The following NFYA variants were observed in gnomAD, a reference collection of about 807,000 sequenced individuals.
NFYA encodes nuclear transcription factor Y subunit alpha, also known as CAAT-box DNA binding protein subunit A.
Under a neutral mutation model 52.8 loss-of-function variants are expected in NFYA, and 28 were observed. That is an observed-to-expected ratio of 0.53 (90% confidence interval 0.39 to 0.73). The LOEUF is 0.73. Ranked by LOEUF, NFYA falls within the 30% of genes least tolerant of loss-of-function variation. NFYA has a pLI of 0.00. For missense variants in NFYA, 234 were observed against 427.0 expected (o/e 0.55, Z 3.98); for synonymous variants, 150 against 150.7 (o/e 1.00, Z 0.03).
Position 41,091,516 on chromosome 6 carries a change from G to T in NFYA, c.548-12G>T. 1 of 1,612,126 alleles carries T rather than the reference G, an allele frequency of 6.2e-7. No homozygotes were observed. The highest frequency in any genetic ancestry group is 8.5e-7 in the Non-Finnish European group (1 of 1,179,266). ...CTGTTTTTTGTTTGTTTTATGTTTT[G>T]TTTTCTTAAAGTTACAGTCCCTGTT... On this transcript the variant is annotated splice_polypyrimidine_tract_variant and intron_variant, in intron 6 of 9. Coordinates refer to ENST00000341376, the MANE Select transcript of NFYA (RefSeq NM_002505.5).
Position 41,097,343 on chromosome 6 carries a change from ATC to A in NFYA, c.991-12_991-11del. The A allele has an allele frequency of 6.2e-7, 1 of 1,613,870 alleles. No homozygotes were observed. The highest frequency in any genetic ancestry group is 8.5e-7 in the Non-Finnish European group (1 of 1,179,802). Reference sequence around the variant, plus strand: ...TGCAAAGGACTTTAATCATCATGTCATCTTTGTCTCTAGGATCCAAACCAAGC... The same window carrying A: ...TGCAAAGGACTTTAATCATCATGTCATTTGTCTCTAGGATCCAAACCAAGC... On this transcript the variant is annotated splice_polypyrimidine_tract_variant and intron_variant, in intron 9 of 9. Coordinates refer to ENST00000341376, the MANE Select transcript of NFYA (RefSeq NM_002505.5).
intron 7 of NFYA, 137 bp downstream of exon 7, chr6:41,091,831 T>A: frequency 1.1e-6 from 1 of 933,964 alleles, no homozygotes; most frequent in Non-Finnish European, 1.6e-6. Context: ...ACTTTGACAA[T>A]AACATTATGA....
intron 4 of NFYA, among the ~76,000 whole-genome samples, chr6:41,084,578 C>G (rs891973510): frequency 2.9e-4 from 44 of 152,316 alleles, no homozygotes; most frequent in Non-Finnish European, 4.4e-4. Flanking sequence ...TAAATAAAAT[C>G]TAGATTGTTT....
intron 1 of NFYA, among the ~76,000 whole-genome samples, chr6:41,078,688 T>C (rs900166068): frequency 1.3e-5 from 2 of 152,238 alleles, no homozygotes; most frequent in African/African-American, 4.8e-5. Context: ...AGCTTTATTC[T>C]CTAAAGTATA....
Position 41,101,554 on chromosome 6 carries a change from A to G in NFYA, c.*4144A>G, listed in dbSNP as rs1301814141. 6.6e-6 allele frequency among the ~76,000 whole-genome samples: 1 copy of G among 152,188 alleles called. No homozygotes were observed. The highest frequency in any genetic ancestry group is 2.4e-5 in the African/African-American group (1 of 41,446). On this transcript the variant is annotated 3_prime_UTR_variant, in exon 10 of 10. Transcript: ENST00000341376. ...CAGTTAATTCGTTCTTGGCGTCATA[A>G]GTATATGCCCGCCGTTGTTCTGGCC...
Position 41,101,272 on chromosome 6 carries a change from G to A in NFYA, c.*3862G>A, listed in dbSNP as rs893096649. The A allele has an allele frequency of 2.6e-5, 4 of 152,264 alleles. No individual in the cohort carries two copies. The highest frequency in any genetic ancestry group is 9.6e-5 in the African/African-American group (4 of 41,464). 9.4% of individuals were successfully genotyped at this position (152,264 alleles called of 1,614,324 possible). A position where few individuals can be genotyped will look rare whatever the true frequency, so the allele number is the denominator to read the frequency against. On this transcript the variant is annotated 3_prime_UTR_variant, in exon 10 of 10. Coordinates refer to ENST00000341376, the MANE Select transcript of NFYA (RefSeq NM_002505.5). ...GCCCCTGGAGGCCTCGACGGTTACA[G>A]GCCTAGCCTCCCGCGAGCTAAGGCA...
At chr6:41,075,968 C>T (rs1763722737) in intron 1 of NFYA, among the ~76,000 whole-genome samples, 1 of 152,202 alleles carries the variant, frequency 6.6e-6, no homozygotes, top group African/African-American at 2.4e-5. Flanking sequence ...TAGAAAGCTC[C>T]AATCCAGAAA....
chr6:41,094,522 C>T (rs1764293531), intron 9 of NFYA, 25 bp downstream of exon 9: 2 of 1,577,574 alleles, frequency 1.3e-6, no homozygotes, highest in Non-Finnish European at 8.7e-7. Context: ...ACATTTTATT[C>T]TTCTCTTTAT....
intron 7 of NFYA, among the ~76,000 whole-genome samples, chr6:41,092,621 C>T (rs949169897): frequency 2.0e-5 from 3 of 151,990 alleles, no homozygotes; most frequent in African/African-American, 7.3e-5. Context: ...CTGTTCCTGA[C>T]CATTAGATGG....
intron 9 of NFYA, among the ~76,000 whole-genome samples, chr6:41,095,901 T>C (rs1374168171): frequency 6.6e-6 from 1 of 152,238 alleles, no homozygotes; most frequent in Admixed American, 6.5e-5. Context: ...GATGTATTTG[T>C]TGGGTTTAGT....
rs1356630655 is a variant in NFYA at position 41,101,023 on chromosome 6, T to C, written c.*3613T>C. 3.3e-5 allele frequency: 5 copies of C among 152,356 alleles called. No homozygotes were observed. Among genetic ancestry groups the C allele is most frequent in the African/African-American group, 1.2e-4 (5 of 41,574 alleles). The allele number at this position is 152,356 out of a possible 1,614,324, so 9.4% of individuals were successfully genotyped here. ...TTTCCGGTACCTAGGCGGGCAGCCA[T>C]GGTGACCGGCGAGCGGCATGCGACG... On this transcript the variant is annotated 3_prime_UTR_variant, in exon 10 of 10. Coordinates refer to ENST00000341376, the MANE Select transcript of NFYA (RefSeq NM_002505.5).
At chr6:41,094,358 T>C (rs1203161852) in intron 8 of NFYA, 38 bp from the exon 9 acceptor site, 1 of 1,552,044 alleles carries the variant, frequency 6.4e-7, no homozygotes, top group Admixed American at 1.7e-5. Flanking sequence ...TGGTTCTGGA[T>C]AGTATTAATA....
At chr6:41,088,423 CAAAAAAAAAA>C (rs34590854) in intron 4 of NFYA, among the ~76,000 whole-genome samples, 1 of 64,712 alleles carries the variant, frequency 1.5e-5, no homozygotes, top group Admixed American at 1.8e-4. Flanking sequence ...ACTCCGTCTC[CAAAAAAAAAA>C]AAAAAAAAAA....
intron 4 of NFYA, among the ~76,000 whole-genome samples, chr6:41,088,445 A>AT (rs1764108088): frequency 1.3e-5 from 2 of 150,048 alleles, no homozygotes; most frequent in East Asian, 2.0e-4. Context: ...AAAAAAAAAA[A>AT]TTTATTTTAT....
chr6:41,079,201 G>T, intron 2 of NFYA, 37 bp downstream of exon 2: 1 of 1,578,760 alleles, frequency 6.3e-7, no homozygotes, highest in Non-Finnish European at 8.7e-7. Flanking sequence ...TTACAGCAAT[G>T]AAACTGATAA....
chr6:41,093,272 A>C (rs145933776), intron 8 of NFYA, among the ~76,000 whole-genome samples, 187 bp downstream of exon 8: 319 of 152,348 alleles, frequency 2.1e-3, no homozygotes, highest in Middle Eastern at 6.8e-3. Flanking sequence ...TAACGAAAAC[A>C]AACAGTGGCT....
intron 4 of NFYA, among the ~76,000 whole-genome samples, chr6:41,084,837 C>G (rs566058421): frequency 1.6e-4 from 24 of 152,264 alleles, no homozygotes; most frequent in African/African-American, 5.8e-4. Context: ...TGGCACGCAC[C>G]TGTAATCCCA....
At chr6:41,087,118 G>A (rs375002461) in intron 4 of NFYA, among the ~76,000 whole-genome samples, 3 of 152,096 alleles carry the variant, frequency 2.0e-5, no homozygotes, top group East Asian at 1.9e-4. Context: ...GAAAATGGGC[G>A]AAGAATATGA....
chr6:41,082,346 A>G (rs956065884), intron 3 of NFYA, among the ~76,000 whole-genome samples: 3 of 152,224 alleles, frequency 2.0e-5, no homozygotes, highest in African/African-American at 7.2e-5. Flanking sequence ...TCTTACTCAT[A>G]TATAAAACAG....
Sources: allele counts gnomAD v4.1 joint callset (sites outside exome capture counted in the v4.1 genomes callset), GRCh38; gene constraint gnomAD v4.1.1; transcripts MANE v1.5; gene names NCBI Gene and HGNC (gene_info 2026-07-23, HGNC 2026-07-21).